The following PCDH7 variants were observed in gnomAD, a reference collection of about 807,000 sequenced individuals.
PCDH7 encodes protocadherin 7, also known as protocadherin-7.
A neutral mutation model predicts 58.9 loss-of-function variants in PCDH7; 17 were observed. The ratio of observed to expected loss-of-function variants is 0.29; its 90% CI spans 0.20 to 0.43. The LOEUF (loss-of-function observed/expected upper bound fraction) is 0.43. Ranked by LOEUF, PCDH7 falls within the 20% of genes least tolerant of loss-of-function variation. The probability of loss-of-function intolerance (pLI) is 1.00; values close to 1 mark genes in which losing one functional copy is unlikely to be tolerated. For missense variants in PCDH7, 1,274 were observed against 1,441.0 expected (o/e 0.88, Z 1.88); for synonymous variants, 664 against 616.4 (o/e 1.08, Z -1.14).
At chr4:30,968,396 A>C (rs1271608524) in intron 3 of PCDH7, among the ~76,000 whole-genome samples, 1 of 61,046 alleles carries the variant, frequency 1.6e-5, no homozygotes, top group African/African-American at 1.1e-4. Context: ...ATATATATAT[A>C]TATATATATA....
At chr4:31,079,938 T>A (rs1283052457) in intron 3 of PCDH7, among the ~76,000 whole-genome samples, 5 of 152,046 alleles carry the variant, frequency 3.3e-5, no homozygotes, top group Non-Finnish European at 5.9e-5. Flanking sequence ...AGGGAAAGAA[T>A]ATAATACAAA....
At chr4:30,840,639 G>T (rs988882279) in intron 1 of PCDH7, among the ~76,000 whole-genome samples, 1 of 152,110 alleles carries the variant, frequency 6.6e-6, no homozygotes, top group Non-Finnish European at 1.5e-5. Flanking sequence ...TACGCAGAGG[G>T]CAAATTCTCA....
intron 3 of PCDH7, among the ~76,000 whole-genome samples, chr4:30,954,621 A>G (rs1437155647): frequency 6.6e-6 from 1 of 152,148 alleles, no homozygotes; most frequent in African/African-American, 2.4e-5. Context: ...CAACATGACA[A>G]TTTGATACCT....
chr4:30,722,085 C>T lies in PCDH7; in HGVS notation c.663C>T (p.Gly221=). 1 of 1,319,646 alleles carries T rather than the reference C, an allele frequency of 7.6e-7. No individual in the cohort carries two copies. The highest frequency in any genetic ancestry group is 3.1e-5 in the East Asian group (1 of 31,930). 81.7% of individuals were successfully genotyped at this position (1,319,646 alleles called of 1,614,324 possible). The change falls in exon 1 of 2, where the codon GGC becomes GGT. Residue 221 remains glycine (G), a synonymous_variant. Transcript: ENST00000361762. The surrounding 1 kb of genome is among the most constrained non-coding windows in gnomAD (Gnocchi z 7.6). ...GCGCGAGCGGCGGCGGCTCGGGAGG[C>T]TCCAAGCGGCGGCTGGACGCATCAG...
At chr4:30,893,512 A>G (rs1738883614) in intron 1 of PCDH7, among the ~76,000 whole-genome samples, 2 of 152,112 alleles carry the variant, frequency 1.3e-5, no homozygotes, top group Admixed American at 1.3e-4. Context: ...ACTTATGGCT[A>G]TTACCACTTT....
At chr4:30,979,823 G>C (rs1339367010) in intron 3 of PCDH7, among the ~76,000 whole-genome samples, 4 of 151,858 alleles carry the variant, frequency 2.6e-5, no homozygotes, top group Non-Finnish European at 2.9e-5. Context: ...ATTTCCTATT[G>C]AGCCTGATTT....
At chr4:31,015,418 T>G (rs1004844595) in intron 3 of PCDH7, among the ~76,000 whole-genome samples, 1 of 152,320 alleles carries the variant, frequency 6.6e-6, no homozygotes, top group Non-Finnish European at 1.5e-5. Flanking sequence ...ATAAGTAAGA[T>G]ATGTCTGTCA....
At chr4:30,856,710 AT>A (rs1578064303) in intron 1 of PCDH7, among the ~76,000 whole-genome samples, 2 of 141,704 alleles carry the variant, frequency 1.4e-5, no homozygotes, top group African/African-American at 5.6e-5. Flanking sequence ...AAAAAAAAAT[AT>A]ATATATATAT....
chr4:30,972,605 A>G (rs901421689), intron 3 of PCDH7, among the ~76,000 whole-genome samples: 2 of 152,204 alleles, frequency 1.3e-5, no homozygotes, highest in East Asian at 1.9e-4. Context: ...TGCCCAACCT[A>G]TATTAATGTA....
chr4:30,765,383 C>T (rs1035257895), intron 1 of PCDH7, among the ~76,000 whole-genome samples: 4 of 151,986 alleles, frequency 2.6e-5, no homozygotes, highest in African/African-American at 9.7e-5. Context: ...TGTTAATTGT[C>T]CTCACAAGGA....
intron 1 of PCDH7, among the ~76,000 whole-genome samples, chr4:30,917,956 T>C (rs1742692907): frequency 6.6e-6 from 1 of 152,200 alleles, no homozygotes; most frequent in East Asian, 1.9e-4. Flanking sequence ...AATCATTTCT[T>C]ATTTTCTGTT....
At chr4:30,875,023 C>T (rs1417716470) in intron 1 of PCDH7, among the ~76,000 whole-genome samples, 1 of 152,038 alleles carries the variant, frequency 6.6e-6, no homozygotes, top group Non-Finnish European at 1.5e-5. Context: ...CTCACATCAT[C>T]GTATTTTCAA....
intron 1 of PCDH7, among the ~76,000 whole-genome samples, chr4:30,886,137 T>G (rs1737714662): frequency 6.6e-6 from 1 of 150,700 alleles, no homozygotes; most frequent in Non-Finnish European, 1.5e-5. Context: ...CTAATTAAAC[T>G]AAAGAGCTTC....
chr4:30,721,417 G>A lies in PCDH7; in HGVS notation c.-6G>A, dbSNP rs1476732237. 6.7e-7 allele frequency: 1 copy of A among 1,493,402 alleles called. No homozygotes were observed. Among genetic ancestry groups the A allele is most frequent in the Admixed American group, 2.2e-5 (1 of 45,672 alleles). The allele number at this position is 1,493,402 out of a possible 1,614,324, so 92.5% of individuals were successfully genotyped here. On this transcript the variant is annotated 5_prime_UTR_variant, in exon 1 of 2. Coordinates refer to ENST00000361762, the Ensembl canonical transcript of PCDH7. This position sits in a 1 kb window ranked among gnomAD's most constrained non-coding sequence, Gnocchi z 6.7. ...GAAGGAGCAGTAGCAGCAGCAGCAG[G>A]AGAAGATGCTGAGGATGCGGACCGC...
At chr4:30,775,467 A>G (rs1440587378) in intron 1 of PCDH7, among the ~76,000 whole-genome samples, 1 of 152,198 alleles carries the variant, frequency 6.6e-6, no homozygotes, top group African/African-American at 2.4e-5. Flanking sequence ...TCAAGACAGC[A>G]TCACTGAACC....
At chr4:31,029,867 G>A (rs1025351827) in intron 3 of PCDH7, among the ~76,000 whole-genome samples, 1 of 152,098 alleles carries the variant, frequency 6.6e-6, no homozygotes, top group African/African-American at 2.4e-5. Flanking sequence ...GTCTTAGAAT[G>A]GACCTTGGCA....
intron 2 of PCDH7, among the ~76,000 whole-genome samples, chr4:30,947,808 C>T: frequency 6.6e-6 from 1 of 152,186 alleles, no homozygotes; most frequent in East Asian, 1.9e-4. Context: ...TTCTTTCCTC[C>T]TATCTAACTA....
chr4:30,962,502 C>G (rs1030746766), intron 3 of PCDH7, among the ~76,000 whole-genome samples: 1 of 151,886 alleles, frequency 6.6e-6, no homozygotes, highest in African/African-American at 2.4e-5. Context: ...AAGTGTAATT[C>G]TAGGATGGGC....
At chr4:31,042,504 T>C (rs1012656372) in intron 3 of PCDH7, among the ~76,000 whole-genome samples, 1 of 152,144 alleles carries the variant, frequency 6.6e-6, no homozygotes, top group African/African-American at 2.4e-5. Flanking sequence ...GTGTATTTTA[T>C]ATTTATGAAT....
Sources: allele counts gnomAD v4.1 joint callset (sites outside exome capture counted in the v4.1 genomes callset), GRCh38; gene constraint gnomAD v4.1.1; non-coding constraint Gnocchi (gnomAD v3.1); transcripts MANE v1.5; gene names NCBI Gene and HGNC (gene_info 2026-07-23, HGNC 2026-07-21).